Variants in ROBO1 observed in about 807,000 individuals in gnomAD.
ROBO1 encodes roundabout homolog 1.
Under a neutral mutation model 195.9 loss-of-function variants are expected in ROBO1, and 149 were observed. That is an observed-to-expected ratio of 0.76 (90% CI 0.67 to 0.87). ROBO1 has a LOEUF of 0.87. Among genes scored for constraint, ROBO1 ranks in the 40% least tolerant of loss-of-function variants. The pLI is 0.00. For synonymous variants in ROBO1, 816 were observed against 733.2 expected, an observed-to-expected ratio of 1.11 and a Z score of -1.82; for missense variants, 1,933 against 2,068.3, an observed-to-expected ratio of 0.93 and a Z score of 1.27.
Position 79,575,308 on chromosome 3 carries a change from AAT to A in ROBO1, c.88+14514_88+14515del, listed in dbSNP as rs1340026015. ...TAAATATATATAACAAATATATATA[AAT>A]ATATATATAACATATATATAAATAT... is the stretch of plus-strand genomic sequence containing the variant. On this transcript the variant is annotated intron_variant, in intron 2 of 30. Transcript: ENST00000464233. 2.5e-3 allele frequency among the ~76,000 whole-genome samples: 310 copies of A among 122,638 alleles called. 1 individual carries two copies. The highest frequency in any genetic ancestry group is 8.6e-3 in the South Asian group (37 of 4,312). 80.5% of individuals were successfully genotyped at this position (122,638 alleles called of 152,430 possible). A position where few individuals can be genotyped will look rare whatever the true frequency, so the allele number is the denominator to read the frequency against.
chr3:79,395,714 T>A (rs2037130993), intron 2 of ROBO1, among the ~76,000 whole-genome samples: 1 of 152,102 alleles, frequency 6.6e-6, no homozygotes, highest in African/African-American at 2.4e-5. Flanking sequence ...CCCACCTAAA[T>A]TTTTCATGAC....
At chr3:78,784,667 T>C (rs1005651817) in intron 4 of ROBO1, among the ~76,000 whole-genome samples, 1 of 152,192 alleles carries the variant, frequency 6.6e-6, no homozygotes, top group East Asian at 1.9e-4. Flanking sequence ...AATAAATGTA[T>C]ATTTTATTTG....
At chr3:79,532,837 T>C (rs1409402280) in intron 2 of ROBO1, among the ~76,000 whole-genome samples, 1 of 152,190 alleles carries the variant, frequency 6.6e-6, no homozygotes, top group Non-Finnish European at 1.5e-5. Flanking sequence ...TAGTTTTCCC[T>C]GACTCCAGAA....
intron 3 of ROBO1, among the ~76,000 whole-genome samples, chr3:78,951,338 T>C (rs1220993320): frequency 6.6e-6 from 1 of 152,066 alleles, no homozygotes; most frequent in East Asian, 1.9e-4. Flanking sequence ...GCTTTCTCTC[T>C]TCATTCATAA....
chr3:79,035,603 T>C (rs904765094), intron 3 of ROBO1, among the ~76,000 whole-genome samples: 2 of 152,068 alleles, frequency 1.3e-5, no homozygotes, highest in Non-Finnish European at 2.9e-5. Context: ...TGAATGTTTC[T>C]AGTCCCAGCT....
chr3:79,394,263 C>T (rs2037058372), intron 2 of ROBO1, among the ~76,000 whole-genome samples: 1 of 152,084 alleles, frequency 6.6e-6, no homozygotes, highest in Non-Finnish European at 1.5e-5. Context: ...ACCATTTGAT[C>T]TGACATATTC....
At chr3:79,160,956 T>G (rs2108663369) in intron 2 of ROBO1, among the ~76,000 whole-genome samples, 1 of 152,204 alleles carries the variant, frequency 6.6e-6, no homozygotes, top group South Asian at 2.1e-4. Flanking sequence ...TAAATATATT[T>G]CCCTCATGAG....
chr3:79,234,307 C>A (rs2082371338), intron 2 of ROBO1, among the ~76,000 whole-genome samples: 1 of 151,994 alleles, frequency 6.6e-6, no homozygotes, highest in South Asian at 2.1e-4. Flanking sequence ...TTCTAAGATT[C>A]TTAGAGTTTG....
intron 3 of ROBO1, among the ~76,000 whole-genome samples, chr3:79,055,465 A>C (rs2108381616): frequency 6.6e-6 from 1 of 152,204 alleles, no homozygotes; most frequent in Non-Finnish European, 1.5e-5. Flanking sequence ...ACATCCTGCT[A>C]ACATGGGACT....
At chr3:79,513,106 T>C (rs1017737581) in intron 2 of ROBO1, among the ~76,000 whole-genome samples, 19 of 152,196 alleles carry the variant, frequency 1.2e-4, no homozygotes, top group African/African-American at 4.6e-4. Context: ...CCATGGAAGA[T>C]AACAAATAGC....
chr3:79,270,761 T>C (rs1576902988), intron 2 of ROBO1, among the ~76,000 whole-genome samples: 1 of 151,912 alleles, frequency 6.6e-6, no homozygotes, highest in South Asian at 2.1e-4. Context: ...CTATTTGAAA[T>C]GTTGGTTAAT....
chr3:78,781,040 A>G (rs1384316848), intron 4 of ROBO1, among the ~76,000 whole-genome samples: 1 of 152,204 alleles, frequency 6.6e-6, no homozygotes, highest in Admixed American at 6.6e-5. Context: ...TCCTTGGTAC[A>G]TAAACACTTG....
At chr3:78,687,213 A>G (rs1434897368) in intron 9 of ROBO1, among the ~76,000 whole-genome samples, 1 of 152,190 alleles carries the variant, frequency 6.6e-6, no homozygotes, top group Admixed American at 6.5e-5. Context: ...TGGATTTACT[A>G]TTACTGCTAC....
chr3:79,405,780 C>T lies in ROBO1; in HGVS notation c.88+184044G>A, dbSNP rs566254665. On this transcript the variant is annotated intron_variant, in intron 2 of 30. Transcript: ENST00000464233. ...TTGCAAAAGAGATTTCTAAAAAATA[C>T]GTAAAATATGGTAGTTTGGGAAAGG... Among the ~76,000 whole-genome samples the T allele has an allele frequency of 5.3e-5, 8 of 151,716 alleles. No homozygotes were observed. In the South Asian group the frequency reaches 8.3e-4, roughly 16 times the overall value.
At chr3:79,110,909 T>A (rs1341892360) in intron 3 of ROBO1, among the ~76,000 whole-genome samples, 1 of 152,038 alleles carries the variant, frequency 6.6e-6, no homozygotes, top group Non-Finnish European at 1.5e-5. Flanking sequence ...TGAGCTACCA[T>A]GCCCACACTT....
At chr3:79,742,044 T>G (rs1703669475) in intron 1 of ROBO1, among the ~76,000 whole-genome samples, 1 of 152,160 alleles carries the variant, frequency 6.6e-6, no homozygotes, top group Non-Finnish European at 1.5e-5. Flanking sequence ...AATAAAGAGA[T>G]GATCTGAAAC....
chr3:79,208,819 G>A (rs1436909164), intron 2 of ROBO1, among the ~76,000 whole-genome samples: 1 of 151,382 alleles, frequency 6.6e-6, no homozygotes, highest in East Asian at 2.0e-4. Flanking sequence ...TTAGAGTGAA[G>A]CCAGAGCTAG....
intron 2 of ROBO1, among the ~76,000 whole-genome samples, chr3:79,380,703 G>A (rs1575749933): frequency 6.6e-6 from 1 of 151,986 alleles, no homozygotes; most frequent in African/African-American, 2.4e-5. Context: ...TATCCAATGC[G>A]ACTGAGACTG....
At chr3:79,556,009 G>T (rs532302544) in intron 2 of ROBO1, among the ~76,000 whole-genome samples, 5 of 152,098 alleles carry the variant, frequency 3.3e-5, no homozygotes, top group East Asian at 3.9e-4. Context: ...AATTCTCTAA[G>T]AATTAATATT....
Sources: allele counts gnomAD v4.1 joint callset (sites outside exome capture counted in the v4.1 genomes callset), GRCh38; gene constraint gnomAD v4.1.1; transcripts MANE v1.5; gene names NCBI Gene and HGNC (gene_info 2026-07-23, HGNC 2026-07-21).